Variants in PAFAH2 observed in about 807,000 individuals in gnomAD.
The protein encoded by PAFAH2 is platelet activating factor acetylhydrolase 2.
PAFAH2 carries 42 observed loss-of-function variants against 49.0 expected under a neutral mutation model. The observed-to-expected ratio is 0.86, with a 90% CI of 0.67 to 1.11. The LOEUF (loss-of-function observed/expected upper bound fraction) is 1.11. Among genes scored for constraint, PAFAH2 ranks in the 50% least tolerant of loss-of-function variants. The probability of loss-of-function intolerance (pLI) is 0.00; values close to 1 mark genes in which losing one functional copy is unlikely to be tolerated. For synonymous variants in PAFAH2, 184 were observed against 181.3 expected (o/e 1.01, Z -0.12); for missense variants, 503 against 501.8 (o/e 1.00, Z -0.02).
At chr1:25,970,734 T>C (rs1339608761) in intron 10 of PAFAH2, among the ~76,000 whole-genome samples, 2 of 152,046 alleles carry the variant, frequency 1.3e-5, no homozygotes, top group Non-Finnish European at 2.9e-5. Flanking sequence ...TATAGGCACA[T>C]GCCACCATAC....
chr1:25,962,272 C>T (rs1472413280), intron 10 of PAFAH2, among the ~76,000 whole-genome samples, 189 bp from the exon 11 acceptor site: 1 of 152,088 alleles, frequency 6.6e-6, no homozygotes, highest in Non-Finnish European at 1.5e-5. Flanking sequence ...TTATAAATGA[C>T]TTACATAATC....
chr1:25,988,200 A>G (rs779309232), intron 4 of PAFAH2, 31 bp downstream of exon 4: 6 of 1,414,682 alleles, frequency 4.2e-6, no homozygotes, highest in Non-Finnish European at 5.9e-6. Flanking sequence ...GGCAAGGAGT[A>G]TGGCAAGGTC....
At chr1:25,980,584 G>A (rs2049669319) in intron 7 of PAFAH2, among the ~76,000 whole-genome samples, 1 of 148,392 alleles carries the variant, frequency 6.7e-6, no homozygotes. Flanking sequence ...TGGGGTTACA[G>A]GCGTGAGCCA....
chr1:25,990,053 TAGGA>T (rs2049850572), intron 2 of PAFAH2, among the ~76,000 whole-genome samples: 1 of 152,014 alleles, frequency 6.6e-6, no homozygotes, highest in Admixed American at 6.6e-5. Flanking sequence ...GAGGGGTTAC[TAGGA>T]AGTGTGTGCC....
At chr1:25,974,289 C>T (rs1172997771) in intron 9 of PAFAH2, among the ~76,000 whole-genome samples, 191 bp downstream of exon 9, 1 of 152,172 alleles carries the variant, frequency 6.6e-6, no homozygotes, top group Non-Finnish European at 1.5e-5. Context: ...TGGAATAAAT[C>T]ACTGTAGATG....
At chr1:25,970,284 T>G (rs1396612558) in intron 10 of PAFAH2, among the ~76,000 whole-genome samples, 2 of 152,126 alleles carry the variant, frequency 1.3e-5, no homozygotes, top group African/African-American at 2.4e-5. Context: ...CAGGCCAACA[T>G]GGTGAAACCC....
intron 5 of PAFAH2, 32 bp from the exon 6 acceptor site, chr1:25,984,119 G>A: frequency 6.2e-7 from 1 of 1,612,452 alleles, no homozygotes; most frequent in Non-Finnish European, 8.5e-7. Flanking sequence ...AGAGAAACCA[G>A]AAAACATTCT....
Position 25,983,936 on chromosome 1 carries a change from A to G in PAFAH2, c.552+10T>C. 1 of 1,614,090 alleles carries G rather than the reference A, an allele frequency of 6.2e-7. No individual in the cohort carries two copies. The highest frequency in any genetic ancestry group is 8.5e-7 in the Non-Finnish European group (1 of 1,179,948). ...CATTAACTCTCCCTCCCCAACTGGC[A>G]CAAACTTACCTGGGGATTCCGAACA... On this transcript the variant is annotated intron_variant, in intron 6 of 10. Coordinates refer to ENST00000374282, the MANE Select transcript of PAFAH2 (RefSeq NM_000437.4).
chr1:25,971,412 G>A (rs1306330301), intron 10 of PAFAH2, among the ~76,000 whole-genome samples: 1 of 152,030 alleles, frequency 6.6e-6, no homozygotes, highest in Non-Finnish European at 1.5e-5. Flanking sequence ...AAGATGAAAG[G>A]ATGCCGCAAG....
At position 25,989,433 on chromosome 1, in the gene PAFAH2, C is replaced by T; in HGVS notation, c.244+15G>A. On this transcript the variant is annotated intron_variant, in intron 3 of 10. Coordinates refer to ENST00000374282, the MANE Select transcript of PAFAH2 (RefSeq NM_000437.4). ...AGCAACTGGGAAAGCATGCAGAGGT[C>T]AGGCCAGCCCTTACCCACCGCCAGG... 6.4e-7 allele frequency: 1 copy of T among 1,565,508 alleles called. No homozygotes were observed. Among genetic ancestry groups the T allele is most frequent in the East Asian group, 2.3e-5 (1 of 43,364 alleles).
At chr1:25,968,647 G>T (rs966180107) in intron 10 of PAFAH2, among the ~76,000 whole-genome samples, 1 of 152,144 alleles carries the variant, frequency 6.6e-6, no homozygotes, top group African/African-American at 2.4e-5. Context: ...GCCTATTTTA[G>T]TTTCCCATGT....
Position 25,967,023 on chromosome 1 carries a change from C to T in PAFAH2, c.1085-4940G>A, listed in dbSNP as rs574916703. On this transcript the variant is annotated intron_variant, in intron 10 of 10. Coordinates refer to ENST00000374282, the MANE Select transcript of PAFAH2 (RefSeq NM_000437.4). ...CTCCAGTCTGGGCGACAGAGTGAGA[C>T]GCCTTCTCAAAAAAAAAAAAAAAAA... is the stretch of plus-strand genomic sequence containing the variant. Among the ~76,000 whole-genome samples the T allele has an allele frequency of 2.7e-4, 33 of 120,806 alleles. No homozygotes were observed. In the East Asian group the frequency reaches 8.0e-3, roughly 29 times the overall value. 79.3% of individuals were successfully genotyped at this position (120,806 alleles called of 152,430 possible).
chr1:25,991,466 TAG>T (rs2049874042), intron 1 of PAFAH2, among the ~76,000 whole-genome samples: 3 of 151,642 alleles, frequency 2.0e-5, no homozygotes, highest in African/African-American at 7.3e-5. Context: ...TAATTTTTAG[TAG>T]AGACGGGGTT....
At chr1:25,967,491 G>T (rs1326587298) in intron 10 of PAFAH2, among the ~76,000 whole-genome samples, 1 of 152,098 alleles carries the variant, frequency 6.6e-6, no homozygotes, top group African/African-American at 2.4e-5. Context: ...GAGATAGGGG[G>T]AAGTCCACAG....
chr1:25,996,567 G>A (rs2049939946), intron 1 of PAFAH2, among the ~76,000 whole-genome samples: 1 of 152,080 alleles, frequency 6.6e-6, no homozygotes, highest in Admixed American at 6.5e-5. Flanking sequence ...GCGTGAACCC[G>A]GGAGGCGGAG....
rs936034503 is a variant in PAFAH2, at chr1:25,962,396, T to C, written c.1085-313A>G. On this transcript the variant is annotated intron_variant, in intron 10 of 10. Coordinates refer to ENST00000374282, the MANE Select transcript of PAFAH2 (RefSeq NM_000437.4). ...TCATGGTTTCATTTAATTTTCACCA[T>C]ATCCCTATGAACTAAGTATTAATAC... 2.6e-5 allele frequency among the ~76,000 whole-genome samples: 4 copies of C among 152,240 alleles called. No homozygotes were observed. The South Asian group carries it at 8.3e-4, about 32-fold the overall frequency.
intron 10 of PAFAH2, among the ~76,000 whole-genome samples, chr1:25,965,212 TGAA>T (rs1236388875): frequency 6.6e-6 from 1 of 152,142 alleles, no homozygotes; most frequent in African/African-American, 2.4e-5. Context: ...GATAGCCATA[TGAA>T]GAAGAATGAA....
intron 1 of PAFAH2, among the ~76,000 whole-genome samples, chr1:25,991,117 G>A (rs535942242): frequency 3.3e-5 from 5 of 152,284 alleles, no homozygotes; most frequent in African/African-American, 7.2e-5. Context: ...GCCCATTAAC[G>A]TATGTTTATC....
Position 25,962,068 on chromosome 1 carries a change from T to G in PAFAH2, c.1100A>C (p.Tyr367Ser), listed in dbSNP as rs752301352. ...TTCAATAAGGTTGTTCCATTGATTA[T>G]AGTCTTCTTTCAGGTCTGAAAAGGA... ...LQKHLDLKED[Y>S]NQWNNLIEGI... The change falls in exon 11 of 11, where the codon TAT becomes TCT. Residue 367 changes from tyrosine (Y) to serine (S), a missense_variant. By Grantham distance (144) the Tyr-to-Ser change is moderately radical (BLOSUM62 -2). Coordinates refer to ENST00000374282, the MANE Select transcript of PAFAH2 (RefSeq NM_000437.4). 1.2e-6 allele frequency: 2 copies of G among 1,613,580 alleles called. No homozygotes were observed. Among genetic ancestry groups the G allele is most frequent in the Non-Finnish European group, 1.7e-6 (2 of 1,179,708 alleles).
Sources: gnomAD v4.1 joint callset for allele counts (sites outside exome capture counted in the v4.1 genomes callset) on GRCh38, gnomAD v4.1.1 for gene constraint, MANE v1.5 for transcripts, NCBI Gene and HGNC (gene_info 2026-07-23, HGNC 2026-07-21) for gene names.